The following KIF20B variants were observed in gnomAD, a reference collection of about 807,000 sequenced individuals.
KIF20B encodes kinesin family member 20B.
In KIF20B, 188 loss-of-function variants were observed where a neutral mutation model predicts 232.5. The ratio of observed to expected loss-of-function variants is 0.81; its 90% CI spans 0.72 to 0.91. KIF20B has a LOEUF of 0.91. KIF20B is among the 40% of genes least tolerant of loss of function. The pLI, the probability that KIF20B is intolerant of heterozygous loss-of-function variation, is 0.00. For missense variants in KIF20B, 2,154 were observed against 2,055.9 expected (o/e 1.05, Z -0.92); for synonymous variants, 712 against 683.0 (o/e 1.04, Z -0.66).
At chr10:89,708,206 C>T (rs2133081560) in intron 2 of KIF20B, among the ~76,000 whole-genome samples, 1 of 143,220 alleles carries the variant, frequency 7.0e-6, no homozygotes, top group South Asian at 2.3e-4. Context: ...AGTTTATGTA[C>T]AATTTGTATT....
chr10:89,753,466 T>C (rs1842061327), intron 25 of KIF20B, among the ~76,000 whole-genome samples: 2 of 152,192 alleles, frequency 1.3e-5, no homozygotes, highest in South Asian at 4.1e-4. Flanking sequence ...ATAAATATTA[T>C]GAAAAAAGTG....
chr10:89,703,987 G>A (rs1842669895), intron 1 of KIF20B, among the ~76,000 whole-genome samples: 1 of 152,098 alleles, frequency 6.6e-6, no homozygotes, highest in Non-Finnish European at 1.5e-5. Flanking sequence ...TCCTGACCTC[G>A]TGATCCACCC....
Position 89,758,757 on chromosome 10 carries a change from C to T in KIF20B, c.4555C>T (p.Arg1519Ter). The T allele has an allele frequency of 3.1e-6, 5 of 1,605,194 alleles. No individual in the cohort carries two copies. The highest frequency in any genetic ancestry group is 1.1e-5 in the South Asian group (1 of 89,612). The change falls in exon 27 of 33, where the codon CGA becomes TGA. Residue 1519 changes from arginine (R) to a stop codon, truncating the protein, a stop_gained. Coordinates refer to ENST00000371728, the MANE Select transcript of KIF20B (RefSeq NM_001284259.2). LOFTEE classifies it high-confidence loss of function. Reference sequence around the variant, plus strand: ...GAAAGATAGTGACCTTCAAAAGTGGCGAGAAGAACGAGATCAACTGGTTGC... The same window carrying T: ...GAAAGATAGTGACCTTCAAAAGTGGTGAGAAGAACGAGATCAACTGGTTGC... Reference protein sequence around the residue: ...TEKDSDLQKWREERDQLVAAL... With the variant: ...TEKDSDLQKW
chr10:89,757,040 G>GTATGTGTATATATA (rs1554852904), intron 26 of KIF20B, among the ~76,000 whole-genome samples: 1 of 110,748 alleles, frequency 9.0e-6, no homozygotes, highest in Non-Finnish European at 1.8e-5. Context: ...GTGTGTGTGT[G>GTATGTGTATATATA]TATATATATA....
At chr10:89,707,274 A>G (rs1360341353) in intron 2 of KIF20B, among the ~76,000 whole-genome samples, 4 of 152,196 alleles carry the variant, frequency 2.6e-5, no homozygotes, top group African/African-American at 9.7e-5. Context: ...TACAGTCAAG[A>G]TAGTGAGTAT....
chr10:89,723,570 C>T (rs1346269186), intron 13 of KIF20B: 1 of 152,952 alleles, frequency 6.5e-6, no homozygotes, highest in African/African-American at 2.4e-5. Context: ...TAGCATTTAC[C>T]AGAGATCTGA....
In KIF20B at chr10:89,743,828, G is replaced by T; in HGVS notation, c.3936G>T (p.Glu1312Asp). 1.3e-6 allele frequency: 2 copies of T among 1,514,280 alleles called. No individual in the cohort carries two copies. Among genetic ancestry groups the T allele is most frequent in the Non-Finnish European group, 1.8e-6 (2 of 1,110,032 alleles). The allele number at this position is 1,514,280 out of a possible 1,614,324, so 93.8% of individuals were successfully genotyped here. A position where few individuals can be genotyped will look rare whatever the true frequency, so the allele number is the denominator to read the frequency against. The change falls in exon 22 of 33, where the codon GAG (glutamate) becomes GAT (aspartate). Residue 1312 changes from glutamate (E) to aspartate (D), a missense_variant. Coordinates refer to ENST00000371728, the MANE Select transcript of KIF20B (RefSeq NM_001284259.2). ...VQKEVSVMRDEDKLLRIKINE... is the reference protein window; with the variant it reads ...VQKEVSVMRDDDKLLRIKINE... ...TGTAGGTATCTGTAATGCGTGATGA[G>T]GATAAATTACTGAGGATTAAAATTA...
At position 89,716,540 on chromosome 10, in the gene KIF20B, A is replaced by G; in HGVS notation, c.1045A>G (p.Ser349Gly). 6.8e-7 allele frequency: 1 copy of G among 1,472,770 alleles called. No homozygotes were observed. 91.2% of individuals were successfully genotyped at this position (1,472,770 alleles called of 1,614,324 possible). A position where few individuals can be genotyped will look rare whatever the true frequency, so the allele number is the denominator to read the frequency against. Residue 349 changes from serine (S) to glycine (G), a missense_variant, in exon 9 of 33, where the codon AGT becomes GGT. Ser to Gly is a moderately conservative substitution (Grantham distance 56). Transcript: ENST00000371728. ...VAFTKLNNAS[S>G]RSHSIFTVKI... ...CTTCACAAAATTGAATAATGCTTCC[A>G]GTAGAAGGTAAAGAATAAACTCTGT...
rs373589296 is a variant in KIF20B at position 89,738,039 on chromosome 10, G to C, written c.3198G>C (p.Glu1066Asp). 3.2e-5 allele frequency: 52 copies of C among 1,613,316 alleles called. No individual in the cohort carries two copies. The highest frequency in any genetic ancestry group is 3.9e-5 in the Non-Finnish European group (46 of 1,179,638). Residue 1066 changes from glutamate (E) to aspartate (D), a missense_variant, in exon 20 of 33, where the codon GAG becomes GAC. Physicochemically the swap from Glu to Asp is conservative, Grantham distance 45. Coordinates refer to ENST00000371728, the MANE Select transcript of KIF20B (RefSeq NM_001284259.2). The stretch of plus-strand genomic sequence containing the variant: ...AAGCTATTTGGGAAGAATGTAAAGA[G>C]ATTGTGAAGGCCTCTTCCAAAAAAA... Reference protein sequence around the residue: ...SIEAIWEECKEIVKASSKKSH... With the variant: ...SIEAIWEECKDIVKASSKKSH...
At chr10:89,727,198 T>C (rs1175455943) in intron 16 of KIF20B, among the ~76,000 whole-genome samples, 1 of 152,108 alleles carries the variant, frequency 6.6e-6, no homozygotes, top group Non-Finnish European at 1.5e-5. Context: ...TTTAAAGTAA[T>C]TTGTTAGTTT....
intron 10 of KIF20B, 39 bp downstream of exon 10, chr10:89,717,534 GTT>G (rs767442477): frequency 3.2e-6 from 5 of 1,586,036 alleles, no homozygotes; most frequent in Non-Finnish European, 4.3e-6. Flanking sequence ...ATTTGTAATT[GTT>G]TTGAAGAACT....
Position 89,737,596 on chromosome 10 carries a change from C to G in KIF20B, c.2755C>G (p.Leu919Val), listed in dbSNP as rs1426337178. Reference protein sequence around the residue: ...NKQIVHFQQELSLSEKKNLTL... With the variant: ...NKQIVHFQQEVSLSEKKNLTL... ...ACAGATTGTTCATTTTCAGCAGGAA[C>G]TTTCTCTTTCTGAAAAAAAGAATTT... Residue 919 changes from leucine (L) to valine (V), a missense_variant, in exon 20 of 33, where the codon CTT becomes GTT. By Grantham distance (32) the Leu-to-Val change is conservative (BLOSUM62 1). Transcript: ENST00000371728. 1 of 1,604,016 alleles carries G rather than the reference C, an allele frequency of 6.2e-7. No individual in the cohort carries two copies. The highest frequency in any genetic ancestry group is 8.5e-7 in the Non-Finnish European group (1 of 1,176,232).
At chr10:89,707,804 A>T (rs1015957843) in intron 2 of KIF20B, among the ~76,000 whole-genome samples, 1 of 152,242 alleles carries the variant, frequency 6.6e-6, no homozygotes, top group Non-Finnish European at 1.5e-5. Flanking sequence ...GATTTTTTGT[A>T]AGTGCCCTTT....
intron 15 of KIF20B, among the ~76,000 whole-genome samples, chr10:89,725,747 A>G (rs957949097): frequency 1.3e-5 from 2 of 152,150 alleles, no homozygotes; most frequent in East Asian, 1.9e-4. Flanking sequence ...CTTATTCTCT[A>G]CTTGTAATAT....
At chr10:89,757,832 CTT>C (rs1181119003) in intron 26 of KIF20B, among the ~76,000 whole-genome samples, 1 of 143,024 alleles carries the variant, frequency 7.0e-6, no homozygotes, top group African/African-American at 2.5e-5. Context: ...GGTTGGGGTT[CTT>C]TTTTTTTTTC....
chr10:89,729,391 T>G (rs915941045), intron 18 of KIF20B, 144 bp downstream of exon 18: 2 of 881,438 alleles, frequency 2.3e-6, no homozygotes, highest in African/African-American at 3.6e-5. Context: ...CTCAATTTAC[T>G]GTTTTCCAAA....
In KIF20B at chr10:89,738,242, C is replaced by A; in HGVS notation, c.3401C>A (p.Thr1134Asn). The A allele has an allele frequency of 6.2e-7, 1 of 1,606,198 alleles. No individual in the cohort carries two copies. Among genetic ancestry groups the A allele is most frequent in the South Asian group, 1.1e-5 (1 of 88,866 alleles). The change falls in exon 20 of 33, where the codon ACT (threonine) becomes AAT (asparagine). Residue 1134 changes from threonine (T) to asparagine (N), a missense_variant. Thr to Asn is a moderately conservative substitution (Grantham distance 65, BLOSUM62 0). Coordinates refer to ENST00000371728, the MANE Select transcript of KIF20B (RefSeq NM_001284259.2). ...GAAGAATTGCAAGAAAAAAATGTTACTCTTGATGTTCAAATACAGCATGTA... is the reference window on the plus strand; with the variant it reads ...GAAGAATTGCAAGAAAAAAATGTTAATCTTGATGTTCAAATACAGCATGTA... Reference protein sequence around the residue: ...LKEELQEKNVTLDVQIQHVVE... With the variant: ...LKEELQEKNVNLDVQIQHVVE...
chr10:89,738,270 T>C lies in KIF20B; in HGVS notation c.3429T>C (p.Val1143=), dbSNP rs774968076. The C allele has an allele frequency of 6.2e-7, 1 of 1,610,602 alleles. No homozygotes were observed. Among genetic ancestry groups the C allele is most frequent in the Non-Finnish European group, 8.5e-7 (1 of 1,179,102 alleles). ...TTGATGTTCAAATACAGCATGTAGT[T>C]GAAGGAAAGAGAGCGCTTTCAGAAC... ...VTLDVQIQHV[V]EGKRALSELT... is the part of the protein sequence containing the mutation. The change falls in exon 20 of 33, where the codon GTT becomes GTC. Residue 1143 remains valine, a synonymous_variant. Coordinates refer to ENST00000371728, the MANE Select transcript of KIF20B (RefSeq NM_001284259.2).
chr10:89,760,431 C>T (rs551195030), intron 27 of KIF20B, 95 bp from the exon 28 acceptor site: 2 of 748,910 alleles, frequency 2.7e-6, no homozygotes, highest in Non-Finnish European at 2.3e-6. Flanking sequence ...TGTTTAGTTT[C>T]ATACAAATCT....
Sources: allele counts gnomAD v4.1 joint callset (sites outside exome capture counted in the v4.1 genomes callset), GRCh38; gene constraint gnomAD v4.1.1; transcripts MANE v1.5; gene names NCBI Gene and HGNC (gene_info 2026-07-23, HGNC 2026-07-21).